Variants in CRBN observed in about 807,000 individuals in gnomAD.
The protein encoded by CRBN is protein cereblon.
A neutral mutation model predicts 62.2 loss-of-function variants in CRBN; 53 were observed. The observed-to-expected ratio is 0.85, with a 90% confidence interval of 0.68 to 1.07. The LOEUF is 1.07. CRBN is among the 50% of genes least tolerant of loss of function. CRBN has a pLI of 0.00. For synonymous variants in CRBN, 208 were observed against 176.1 expected (o/e 1.18, Z -1.43); for missense variants, 616 against 531.1 (o/e 1.16, Z -1.57).
Position 3,150,814 on chromosome 3 carries a change from A to G in CRBN, c.*51T>C. On this transcript the variant is annotated 3_prime_UTR_variant, in exon 11 of 11. Coordinates refer to ENST00000231948, the MANE Select transcript of CRBN (RefSeq NM_016302.4). ...TCAGAGGCAATAATTTCCAAAGCAG[A>G]TCTTAGAATATAACCAATTTGTTAG... 1 of 1,556,982 alleles carries G rather than the reference A, an allele frequency of 6.4e-7. No individual in the cohort carries two copies. The highest frequency in any genetic ancestry group is 8.8e-7 in the Non-Finnish European group (1 of 1,138,932).
At chr3:3,160,091 A>G (rs1707074773) in intron 5 of CRBN, among the ~76,000 whole-genome samples, 1 of 152,232 alleles carries the variant, frequency 6.6e-6, no homozygotes, top group South Asian at 2.1e-4. Context: ...AAAAGCCCTT[A>G]AAACGAATCT....
intron 5 of CRBN, among the ~76,000 whole-genome samples, chr3:3,164,217 G>T (rs1290738206): frequency 6.6e-6 from 1 of 152,190 alleles, no homozygotes; most frequent in Non-Finnish European, 1.5e-5. Flanking sequence ...GAGTAGTCAA[G>T]CATCTCTCAC....
At chr3:3,169,542 C>A (rs1325839769) in intron 4 of CRBN, among the ~76,000 whole-genome samples, 1 of 152,094 alleles carries the variant, frequency 6.6e-6, no homozygotes, top group African/African-American at 2.4e-5. Context: ...TCTTTAGAAT[C>A]CCTCTTTAAA....
At chr3:3,157,713 A>G (rs1339121367) in intron 5 of CRBN, among the ~76,000 whole-genome samples, 1 of 151,918 alleles carries the variant, frequency 6.6e-6, no homozygotes, top group Non-Finnish European at 1.5e-5. Context: ...AATGTGCTAC[A>G]CCACTCACAC....
chr3:3,175,135 A>C, intron 2 of CRBN, 28 bp downstream of exon 2: 1 of 1,333,064 alleles, frequency 7.5e-7, no homozygotes, highest in Non-Finnish European at 1.1e-6. Context: ...TATATCTATT[A>C]TATTAGATCT....
chr3:3,173,772 T>G (rs1251430024), intron 3 of CRBN: 1 of 436,180 alleles, frequency 2.3e-6, no homozygotes, highest in Non-Finnish European at 4.2e-6. Context: ...TTATTGAAAC[T>G]AAGATTCCAG....
chr3:3,173,847 T>C (rs1707724467), intron 3 of CRBN: 4 of 588,656 alleles, frequency 6.8e-6, no homozygotes, highest in South Asian at 4.1e-5. Context: ...AAATTGTGTA[T>C]GAAGGTGAAG....
chr3:3,152,803 G>C, intron 9 of CRBN: 1 of 588,928 alleles, frequency 1.7e-6, no homozygotes, highest in South Asian at 2.0e-5. Context: ...AATGTTTTCT[G>C]TGATGACCCA....
At position 3,153,733 on chromosome 3, in the gene CRBN, C is replaced by T. The variant is rs1364045131; in HGVS notation, c.951+227G>A. On this transcript the variant is annotated intron_variant, in intron 8 of 10. Transcript: ENST00000231948. ...GAGTAAAGGAATAGTGATATATAACCTTGGATATTTCCATGCAGAAATCAA... is the reference window on the plus strand; with the variant it reads ...GAGTAAAGGAATAGTGATATATAACTTTGGATATTTCCATGCAGAAATCAA... The T allele has an allele frequency of 1.5e-5, 9 of 614,500 alleles. No individual in the cohort carries two copies. In the East Asian group the frequency reaches 2.2e-4, roughly 15 times the overall value. The allele number at this position is 614,500 out of a possible 1,614,324, so 38.1% of individuals were successfully genotyped here.
intron 1 of CRBN, among the ~76,000 whole-genome samples, chr3:3,177,040 C>A (rs1707851664): frequency 6.6e-6 from 1 of 152,192 alleles, no homozygotes; most frequent in Admixed American, 6.5e-5. Flanking sequence ...GGGAGTCCTA[C>A]TGGCATCTAG....
Position 3,153,962 on chromosome 3 carries a change from T to A in CRBN, c.949A>T (p.Lys317Ter). ...RLRCELDIMN[K>*]CTSLCCKQCQ... ...AAAAACATATTCACTTTACTCACTT[T>A]ATTCATAATGTCTAATTCACAGCGA... Residue 317 changes from lysine (K) to a stop codon, truncating the protein, a stop_gained and splice_region_variant, in exon 8 of 11, where the codon AAA becomes TAA. Transcript: ENST00000231948. LOFTEE classifies it high-confidence loss of function. 1.3e-6 allele frequency: 2 copies of A among 1,583,592 alleles called. No individual in the cohort carries two copies. Among genetic ancestry groups the A allele is most frequent in the Non-Finnish European group, 1.7e-6 (2 of 1,152,110 alleles).
rs765864357 is a variant in CRBN, at chr3:3,156,228, T to A, written c.741A>T (p.Leu247Phe). Residue 247 changes from leucine to phenylalanine, a missense_variant, in exon 6 of 11, where the codon TTA becomes TTT. Coordinates refer to ENST00000231948, the MANE Select transcript of CRBN (RefSeq NM_016302.4). ...LTSWPRWLYS[L>F]YDAETLMDRI... ...AAGGTAAGTTACTTACAGCATCATA[T>A]AAGGAATACAGCCAGCGAGGCCATG... The A allele has an allele frequency of 6.2e-7, 1 of 1,613,508 alleles. No individual in the cohort carries two copies. Among genetic ancestry groups the A allele is most frequent in the Admixed American group, 1.7e-5 (1 of 60,006 alleles).
chr3:3,167,308 G>C lies in CRBN; in HGVS notation c.687+326C>G, dbSNP rs914033199. 3.1e-5 allele frequency: 7 copies of C among 222,280 alleles called. No homozygotes were observed. The South Asian group carries it at 4.3e-4, about 14-fold the overall frequency. 13.8% of individuals were successfully genotyped at this position (222,280 alleles called of 1,614,324 possible). A position where few individuals can be genotyped will look rare whatever the true frequency, so the allele number is the denominator to read the frequency against. ...GAATCCTCCCTTCTTTAAGATAATG[G>C]ATGTTTATAACTCAAGAGCCGAACA... On this transcript the variant is annotated intron_variant, in intron 5 of 10. Transcript: ENST00000231948.
chr3:3,154,380 AAAGAGAGT>A (rs957723683), intron 7 of CRBN: 1 of 292,180 alleles, frequency 3.4e-6, no homozygotes, highest in African/African-American at 2.6e-5. Context: ...ATAAACAGAT[AAAGAGAGT>A]ATCTATAATT....
At position 3,150,951 on chromosome 3, in the gene CRBN, A is replaced by C; in HGVS notation, c.1243T>G (p.Trp415Gly). Residue 415 changes from tryptophan to glycine, a missense_variant, in exon 11 of 11, where the codon TGG (tryptophan) becomes GGG (glycine). By Grantham distance (184) the Trp-to-Gly change is radical (BLOSUM62 -2). Transcript: ENST00000231948. ...AACAGAGCAGATCGCGTTAAGCCCCAAAATTTTTGAGGTGACATGTCTTTT... is the reference window on the plus strand; with the variant it reads ...AACAGAGCAGATCGCGTTAAGCCCCCAAATTTTTGAGGTGACATGTCTTTT... ...TKKDMSPQKF[W>G]GLTRSALLPT... 6.2e-7 allele frequency: 1 copy of C among 1,614,062 alleles called. No individual in the cohort carries two copies. The highest frequency in any genetic ancestry group is 8.5e-7 in the Non-Finnish European group (1 of 1,179,976).
intron 5 of CRBN, among the ~76,000 whole-genome samples, chr3:3,157,188 T>TA (rs751871109): frequency 6.6e-6 from 1 of 152,196 alleles, no homozygotes; most frequent in Admixed American, 6.5e-5. Context: ...GCAGCAGTGC[T>TA]AATAGCAACA....
intron 4 of CRBN, among the ~76,000 whole-genome samples, chr3:3,169,972 TG>T (rs1707534556): frequency 1.3e-5 from 2 of 152,016 alleles, no homozygotes; most frequent in Non-Finnish European, 2.9e-5. Flanking sequence ...CTCATGACTT[TG>T]GGGGTTGTAT....
rs144940663 is a variant in CRBN at position 3,157,586 on chromosome 3, C to G, written c.688-1305G>C. ...TACTTACCCTAGGTATGTTTCATACCTAGTCATATGATCTTGCAAGTGCCG... is the reference window on the plus strand; with the variant it reads ...TACTTACCCTAGGTATGTTTCATACGTAGTCATATGATCTTGCAAGTGCCG... On this transcript the variant is annotated intron_variant, in intron 5 of 10. Transcript: ENST00000231948. Among the ~76,000 whole-genome samples the G allele has an allele frequency of 2.3e-3, 347 of 152,186 alleles. 1 individual carries two copies. Among genetic ancestry groups the G allele is most frequent in the African/African-American group, 7.9e-3 (330 of 41,514 alleles).
Position 3,154,770 on chromosome 3 carries a change from T to G in CRBN, c.812A>C (p.Asp271Ala). 6.2e-7 allele frequency: 1 copy of G among 1,600,584 alleles called. No individual in the cohort carries two copies. Among genetic ancestry groups the G allele is most frequent in the African/African-American group, 1.3e-5 (1 of 74,754 alleles). ...ACCTATTGGATTTGAAGGAAGAGAA[T>G]CATCTTTTAGATTTTCATCCCATTC... is the stretch of plus-strand genomic sequence containing the variant. ...LREWDENLKDDSLPSNPIDFS... is the reference protein window; with the variant it reads ...LREWDENLKDASLPSNPIDFS... Residue 271 changes from aspartate (D) to alanine (A), a missense_variant, in exon 7 of 11, where the codon GAT (aspartate) becomes GCT (alanine). Coordinates refer to ENST00000231948, the MANE Select transcript of CRBN (RefSeq NM_016302.4).
Sources: gnomAD v4.1 joint callset for allele counts (sites outside exome capture counted in the v4.1 genomes callset) on GRCh38, gnomAD v4.1.1 for gene constraint, MANE v1.5 for transcripts, NCBI Gene and HGNC (gene_info 2026-07-23, HGNC 2026-07-21) for gene names.